Variants in MX1 observed in about 807,000 individuals in gnomAD.
The protein encoded by MX1 is interferon-induced GTP-binding protein Mx1.
Under a neutral mutation model 66.4 loss-of-function variants are expected in MX1, and 66 were observed. That is an observed-to-expected ratio of 0.99 (90% CI 0.82 to 1.22). The LOEUF is 1.22. MX1 is among the 50% of genes most tolerant of loss of function. The probability of loss-of-function intolerance (pLI) is 0.00; values close to 1 mark genes in which losing one functional copy is unlikely to be tolerated. For synonymous variants in MX1, 311 were observed against 318.1 expected (o/e 0.98, Z 0.24); for missense variants, 787 against 834.3 (o/e 0.94, Z 0.70).
intron 16 of MX1, among the ~76,000 whole-genome samples, chr21:41,455,467 C>T (rs866597130): frequency 6.6e-6 from 1 of 152,214 alleles, no homozygotes; most frequent in Non-Finnish European, 1.5e-5. Context: ...TATACATGCA[C>T]AGAATCCAAA....
At chr21:41,431,725 C>T in intron 4 of MX1, 1 of 221,220 alleles carries the variant, frequency 4.5e-6, no homozygotes, top group South Asian at 6.4e-5. Context: ...CTACCTGCCT[C>T]AGCCTCCCAA....
chr21:41,441,981 T>C lies in MX1; in HGVS notation c.929+67T>C. 6.6e-7 allele frequency: 1 copy of C among 1,524,684 alleles called. No individual in the cohort carries two copies. Among genetic ancestry groups the C allele is most frequent in the South Asian group, 1.1e-5 (1 of 88,700 alleles). The allele number at this position is 1,524,684 out of a possible 1,614,324, so 94.4% of individuals were successfully genotyped here. On this transcript the variant is annotated intron_variant, in intron 10 of 16. Coordinates refer to ENST00000398598, the MANE Select transcript of MX1 (RefSeq NM_002462.5). This position sits in a 1 kb window ranked among gnomAD's most constrained non-coding sequence, Gnocchi z 4.0. ...GGATGTCAGGCCTTCCAGGGGACAG[T>C]GGCAGCCGTCCCACAGATGTGTGGA...
intron 7 of MX1, among the ~76,000 whole-genome samples, chr21:41,438,117 T>G (rs2090414264): frequency 6.6e-6 from 1 of 152,254 alleles, no homozygotes; most frequent in African/African-American, 2.4e-5. Flanking sequence ...GGGAAGGTAC[T>G]GAAGAGACAT....
Position 41,459,007 on chromosome 21 carries a change from A to G in MX1, c.*249A>G. 1.6e-6 allele frequency: 1 copy of G among 621,666 alleles called. No homozygotes were observed. Among genetic ancestry groups the G allele is most frequent in the Non-Finnish European group, 2.7e-6 (1 of 373,358 alleles). 38.5% of individuals were successfully genotyped at this position (621,666 alleles called of 1,614,324 possible). On this transcript the variant is annotated 3_prime_UTR_variant, in exon 17 of 17. Coordinates refer to ENST00000398598, the MANE Select transcript of MX1 (RefSeq NM_002462.5). ...ATGCTGTCTTCGTACTGGGAAAGGG[A>G]TTTTCAGCCCTCAGAATCGCTCCAC...
At chr21:41,448,930 T>G (rs117799161) in intron 13 of MX1, among the ~76,000 whole-genome samples, 1 of 139,618 alleles carries the variant, frequency 7.2e-6, no homozygotes, top group South Asian at 2.4e-4. Context: ...AGATCTGGTT[T>G]TGTGTGTGTG....
At chr21:41,438,035 T>C (rs1471586712) in intron 7 of MX1, among the ~76,000 whole-genome samples, 1 of 152,252 alleles carries the variant, frequency 6.6e-6, no homozygotes, top group Non-Finnish European at 1.5e-5. Flanking sequence ...CTCTGTGAGA[T>C]GCATGGATAA....
In MX1 at chr21:41,437,033, C is replaced by T. The variant is rs906108024; in HGVS notation, c.317C>T (p.Pro106Leu). 2 of 1,613,872 alleles carry T rather than the reference C, an allele frequency of 1.2e-6. No individual in the cohort carries two copies. Among genetic ancestry groups the T allele is most frequent in the Non-Finnish European group, 1.7e-6 (2 of 1,179,846 alleles). ...PRGSGIVTRC[P>L]LVLKLKKLVN... ...CTCCTAGGGATCGTGACCAGATGCC[C>T]GCTGGTGCTGAAACTGAAGAAACTT... The change falls in exon 7 of 17, where the codon CCG becomes CTG. Residue 106 changes from proline (P) to leucine (L), a missense_variant. Pro to Leu is a moderately conservative substitution (Grantham distance 98). Coordinates refer to ENST00000398598, the MANE Select transcript of MX1 (RefSeq NM_002462.5).
chr21:41,446,149 T>A lies in MX1; in HGVS notation c.1273+8T>A. 6.2e-7 allele frequency: 1 copy of A among 1,611,742 alleles called. No homozygotes were observed. The highest frequency in any genetic ancestry group is 8.5e-7 in the Non-Finnish European group (1 of 1,178,484). ...AAAACAATTTTCAAGAAGGTGAGTG[T>A]CTTAGTCCCTTCTTTTGGGCTGCTA... On this transcript the variant is annotated splice_region_variant and intron_variant, in intron 13 of 16. Transcript: ENST00000398598.
chr21:41,431,725 C>G (rs945190836), intron 4 of MX1: 60 of 221,102 alleles, frequency 2.7e-4, no homozygotes, highest in African/African-American at 1.3e-3. Flanking sequence ...CTACCTGCCT[C>G]AGCCTCCCAA....
At position 41,441,537 on chromosome 21, in the gene MX1, T is replaced by G; in HGVS notation, c.731-179T>G. 1.6e-6 allele frequency: 1 copy of G among 640,454 alleles called. No homozygotes were observed. The highest frequency in any genetic ancestry group is 1.8e-5 in the African/African-American group (1 of 54,964). 39.7% of individuals were successfully genotyped at this position (640,454 alleles called of 1,614,324 possible). A position where few individuals can be genotyped will look rare whatever the true frequency, so the allele number is the denominator to read the frequency against. ...GAGGCATCCCTGCCTTCACGCGGCT[T>G]GTCGTGGAGTTCTTTTCTGGAGCGG... On this transcript the variant is annotated intron_variant, in intron 9 of 16. Transcript: ENST00000398598. The surrounding 1 kb of genome is among the most constrained non-coding windows in gnomAD (Gnocchi z 4.0).
chr21:41,444,698 G>T (rs1008874109), intron 11 of MX1, among the ~76,000 whole-genome samples: 1 of 152,062 alleles, frequency 6.6e-6, no homozygotes, highest in Non-Finnish European at 1.5e-5. Context: ...TTCCTTATTA[G>T]ATTCCCCACC....
chr21:41,431,208 A>T (rs1437953024), intron 4 of MX1, among the ~76,000 whole-genome samples: 2 of 152,106 alleles, frequency 1.3e-5, no homozygotes, highest in African/African-American at 2.4e-5. Flanking sequence ...TATTTAGTAG[A>T]GATGGGGTTT....
chr21:41,422,127 G>A (rs1457900517), upstream of MX1: 1 of 152,206 alleles, frequency 6.6e-6, no homozygotes, highest in Non-Finnish European at 1.5e-5. Flanking sequence ...GGTGAGATAG[G>A]AGGTCAGCAC....
chr21:41,443,891 T>C, intron 11 of MX1, 25 bp downstream of exon 11: 1 of 1,610,834 alleles, frequency 6.2e-7, no homozygotes. Context: ...AGCTGTGGGT[T>C]CTCTAAAAAG....
intron 3 of MX1, chr21:41,428,884 C>T (rs547246121): frequency 6.6e-6 from 1 of 152,242 alleles, no homozygotes; most frequent in Non-Finnish European, 1.5e-5. Context: ...GGGCACAAAC[C>T]TGCCCTGGGC....
chr21:41,451,119 G>A, intron 14 of MX1, 48 bp from the exon 15 acceptor site: 1 of 1,312,012 alleles, frequency 7.6e-7, no homozygotes. Flanking sequence ...CTTAAGAAGA[G>A]AACAAATGAT....
intron 7 of MX1, 44 bp downstream of exon 7, chr21:41,437,196 G>A (rs377703833): frequency 6.9e-5 from 111 of 1,610,126 alleles, no homozygotes; most frequent in Non-Finnish European, 8.7e-5. Flanking sequence ...CTTCTGACAT[G>A]CATGGGGTCT....
At position 41,458,745 on chromosome 21, in the gene MX1, A is replaced by G. The variant is rs763210792; in HGVS notation, c.1976A>G (p.Gln659Arg). The G allele has an allele frequency of 1.9e-6, 3 of 1,611,418 alleles. No individual in the cohort carries two copies. Among genetic ancestry groups the G allele is most frequent in the Admixed American group, 3.3e-5 (2 of 60,002 alleles). ...RLTQARRRLA[Q>R]FPG ...ACGCAGGCTCGGCGCCGGCTTGCCC[A>G]GTTCCCCGGTTAACCACACTCTGTC... The change falls in exon 17 of 17, where the codon CAG (glutamine) becomes CGG (arginine). Residue 659 changes from glutamine (Q) to arginine (R), a missense_variant. Gln to Arg is a conservative substitution (Grantham distance 43, BLOSUM62 1). Coordinates refer to ENST00000398598, the MANE Select transcript of MX1 (RefSeq NM_002462.5).
chr21:41,454,977 G>A (rs907212488), intron 16 of MX1, among the ~76,000 whole-genome samples: 1 of 151,186 alleles, frequency 6.6e-6, no homozygotes, highest in Non-Finnish European at 1.5e-5. Flanking sequence ...CACAATCTCA[G>A]CTCACTGCAA....
Sources: gnomAD v4.1 joint callset for allele counts (sites outside exome capture counted in the v4.1 genomes callset) on GRCh38, gnomAD v4.1.1 for gene constraint, Gnocchi (gnomAD v3.1) non-coding constraint, MANE v1.5 for transcripts, NCBI Gene and HGNC (gene_info 2026-07-23, HGNC 2026-07-21) for gene names.